The following KCNQ5 variants were observed in gnomAD, a reference collection of about 807,000 sequenced individuals.
The protein encoded by KCNQ5 is potassium voltage-gated channel subfamily Q member 5.
A neutral mutation model predicts 98.2 loss-of-function variants in KCNQ5; 30 were observed. That is an observed-to-expected ratio of 0.31 (90% CI 0.23 to 0.41). The LOEUF (loss-of-function observed/expected upper bound fraction) is 0.41, where lower values mean the gene tolerates loss of function less well. Ranked by LOEUF, KCNQ5 falls within the 10% of genes least tolerant of loss-of-function variation. KCNQ5 has a pLI of 1.00. For synonymous variants in KCNQ5, 458 were observed against 449.4 expected, an observed-to-expected ratio of 1.02 and a Z score of -0.24; for missense variants, 835 against 1,182.5, an observed-to-expected ratio of 0.71 and a Z score of 4.31.
intron 1 of KCNQ5, among the ~76,000 whole-genome samples, chr6:72,815,621 G>A (rs1279412555): frequency 6.6e-6 from 1 of 152,168 alleles, no homozygotes; most frequent in East Asian, 1.9e-4. Context: ...CAGGCAATGA[G>A]GATCCGAGGA....
At chr6:73,036,026 TGTG>T (rs1562140087) in intron 2 of KCNQ5, among the ~76,000 whole-genome samples, 3 of 147,168 alleles carry the variant, frequency 2.0e-5, no homozygotes, top group Non-Finnish European at 3.0e-5. Context: ...TGTGTGTGTG[TGTG>T]TATTGGCTCT....
chr6:72,860,798 T>C (rs988398242), intron 1 of KCNQ5, among the ~76,000 whole-genome samples: 29 of 152,018 alleles, frequency 1.9e-4, no homozygotes, highest in Non-Finnish European at 3.4e-4. Flanking sequence ...TTATTCTTGG[T>C]CTTAATGTAT....
At chr6:73,028,356 G>A (rs990875984) in intron 2 of KCNQ5, among the ~76,000 whole-genome samples, 2 of 152,162 alleles carry the variant, frequency 1.3e-5, no homozygotes, top group African/African-American at 4.8e-5. Context: ...TGAAAAAGGG[G>A]ATGCAAACGA....
chr6:73,032,976 C>T (rs1158506358), intron 2 of KCNQ5, among the ~76,000 whole-genome samples: 3 of 151,994 alleles, frequency 2.0e-5, no homozygotes, highest in Non-Finnish European at 2.9e-5. Flanking sequence ...GAACATAAAA[C>T]GTAAAGGCAG....
chr6:72,800,121 T>C (rs138217307), intron 1 of KCNQ5, among the ~76,000 whole-genome samples: 30 of 152,250 alleles, frequency 2.0e-4, no homozygotes, highest in South Asian at 6.2e-4. Flanking sequence ...CCCACTCCTA[T>C]ATCAGACTGT....
chr6:72,788,078 G>C (rs1380863800), intron 1 of KCNQ5, among the ~76,000 whole-genome samples: 5 of 152,182 alleles, frequency 3.3e-5, no homozygotes, highest in Admixed American at 6.5e-5. Flanking sequence ...AGTCACTTAA[G>C]TGTTTGGTGG....
At chr6:72,659,884 A>G (rs1359148201) in intron 1 of KCNQ5, among the ~76,000 whole-genome samples, 7 of 152,168 alleles carry the variant, frequency 4.6e-5, no homozygotes, top group Non-Finnish European at 1.0e-4. Flanking sequence ...CGAAAATGCC[A>G]TGTCCAATTG....
intron 12 of KCNQ5, among the ~76,000 whole-genome samples, chr6:73,191,978 A>G (rs906432644): frequency 6.6e-6 from 1 of 152,182 alleles, no homozygotes; most frequent in Non-Finnish European, 1.5e-5. Flanking sequence ...ATGACCAGAG[A>G]TTGTGGTCAT....
At chr6:72,809,551 CAA>C (rs5877335) in intron 1 of KCNQ5, among the ~76,000 whole-genome samples, 1 of 131,014 alleles carries the variant, frequency 7.6e-6, no homozygotes, top group African/African-American at 2.7e-5. Context: ...GACTCCGTCT[CAA>C]AAAAAAAAAA....
chr6:72,979,395 T>C (rs1317660157), intron 1 of KCNQ5, among the ~76,000 whole-genome samples: 1 of 152,262 alleles, frequency 6.6e-6, no homozygotes, highest in African/African-American at 2.4e-5. Flanking sequence ...TATCTCATTG[T>C]GGTTTTGATT....
chr6:73,144,161 A>G (rs192707477), intron 10 of KCNQ5, among the ~76,000 whole-genome samples: 3 of 152,310 alleles, frequency 2.0e-5, no homozygotes, highest in Admixed American at 6.5e-5. Context: ...GATGACTGAC[A>G]TGGGAAAGAG....
intron 1 of KCNQ5, among the ~76,000 whole-genome samples, chr6:72,939,485 A>G (rs1766121101): frequency 6.6e-6 from 1 of 152,150 alleles, no homozygotes; most frequent in South Asian, 2.1e-4. Context: ...CCTAGTTTAA[A>G]TCCTAAGCCT....
intron 3 of KCNQ5, among the ~76,000 whole-genome samples, chr6:73,068,369 A>G (rs2150382640): frequency 6.6e-6 from 1 of 152,316 alleles, no homozygotes; most frequent in East Asian, 1.9e-4. Flanking sequence ...CTATGTAATC[A>G]GTTATTTAAA....
Position 72,839,902 on chromosome 6 carries a change from A to G in KCNQ5, c.399-164006A>G, listed in dbSNP as rs1246137247. Among the ~76,000 whole-genome samples, 3 of 152,110 alleles carry G rather than the reference A, an allele frequency of 2.0e-5. No individual in the cohort carries two copies. In the East Asian group the frequency reaches 5.8e-4, roughly 29 times the overall value. ...CATAGATCTCAAAAACTTATTTCTC[A>G]TATCAGTGCATGGGTGGTTCGGTGG... On this transcript the variant is annotated intron_variant, in intron 1 of 13. Coordinates refer to ENST00000370398, the MANE Select transcript of KCNQ5 (RefSeq NM_019842.4).
chr6:72,653,105 T>TA (rs943574391), intron 1 of KCNQ5, among the ~76,000 whole-genome samples: 9 of 151,872 alleles, frequency 5.9e-5, no homozygotes, highest in African/African-American at 1.4e-4. Context: ...CATTTTTTTT[T>TA]AAAAAAGAGA....
chr6:72,671,544 C>G (rs1767104383), intron 1 of KCNQ5, among the ~76,000 whole-genome samples: 1 of 152,166 alleles, frequency 6.6e-6, no homozygotes, highest in South Asian at 2.1e-4. Flanking sequence ...TTTTATTCAT[C>G]ACTTTAAACT....
chr6:73,073,458 C>T (rs1562162002), intron 3 of KCNQ5, among the ~76,000 whole-genome samples: 1 of 152,118 alleles, frequency 6.6e-6, no homozygotes, highest in African/African-American at 2.4e-5. Flanking sequence ...ACTAGATGCT[C>T]GTAGCAACCC....
chr6:73,156,446 C>T (rs1369651489), intron 10 of KCNQ5, among the ~76,000 whole-genome samples: 1 of 152,182 alleles, frequency 6.6e-6, no homozygotes. Context: ...TCAGTCTGGC[C>T]AACATGGTGA....
At chr6:72,905,862 A>G (rs1273253655) in intron 1 of KCNQ5, among the ~76,000 whole-genome samples, 2 of 152,158 alleles carry the variant, frequency 1.3e-5, no homozygotes. Flanking sequence ...CTCTATCTTT[A>G]TGCTGCTTGG....
Sources: gnomAD v4.1 joint callset for allele counts (sites outside exome capture counted in the v4.1 genomes callset) on GRCh38, gnomAD v4.1.1 for gene constraint, MANE v1.5 for transcripts, NCBI Gene and HGNC (gene_info 2026-07-23, HGNC 2026-07-21) for gene names.